TMEM229A: variants seen among roughly 807,000 people sequenced by gnomAD.
TMEM229A encodes transmembrane protein 229A.
TMEM229A carries 23 observed loss-of-function variants against 30.0 expected under a neutral mutation model. That is an observed-to-expected ratio of 0.77 (90% CI 0.55 to 1.09). The LOEUF (loss-of-function observed/expected upper bound fraction) is 1.09. Ranked by LOEUF, TMEM229A falls within the 50% of genes least tolerant of loss-of-function variation. The pLI is 0.00. For synonymous variants in TMEM229A, 264 were observed against 241.5 expected (o/e 1.09, Z -0.86); for missense variants, 534 against 525.9 (o/e 1.02, Z -0.15).
At position 124,032,030 on chromosome 7, in the gene TMEM229A, C is replaced by T; in HGVS notation, c.974G>A (p.Gly325Asp). ...AGCCCCGCACGTGCGGAGTCCCAGACCCCAGGACAGCTCCCACACGTAGAT... is the reference window on the plus strand; with the variant it reads ...AGCCCCGCACGTGCGGAGTCCCAGATCCCAGGACAGCTCCCACACGTAGAT... ...IFIYVWELSWGLGLRTCGACS... is the reference protein window; with the variant it reads ...IFIYVWELSWDLGLRTCGACS... Residue 325 changes from glycine (G) to aspartate (D), a missense_variant, in exon 1 of 1, where the codon GGT becomes GAT. By Grantham distance (94) the Gly-to-Asp change is moderately conservative. Coordinates refer to ENST00000455783, the MANE Select transcript of TMEM229A (RefSeq NM_001136002.2). The surrounding 1 kb of genome is among the most constrained non-coding windows in gnomAD (Gnocchi z 6.6). The T allele has an allele frequency of 6.4e-7, 1 of 1,551,722 alleles. No individual in the cohort carries two copies.
rs548635255 is a variant in TMEM229A, at chr7:124,031,339, G to A, written c.*522C>T. On this transcript the variant is annotated 3_prime_UTR_variant, in exon 1 of 1. Transcript: ENST00000455783. This position sits in a 1 kb window ranked among gnomAD's most constrained non-coding sequence, Gnocchi z 4.1. ...AGAGCTATTAACTGTAGTCTCAAGA[G>A]TACAAGACATTGAGTTTCTTCAGTC... 1 of 152,382 alleles carries A rather than the reference G, an allele frequency of 6.6e-6. No homozygotes were observed. Among genetic ancestry groups the A allele is most frequent in the African/African-American group, 2.4e-5 (1 of 41,450 alleles). 9.4% of individuals were successfully genotyped at this position (152,382 alleles called of 1,614,324 possible).
In TMEM229A at chr7:124,032,691, C is replaced by T; in HGVS notation, c.313G>A (p.Glu105Lys). Residue 105 changes from glutamate (E) to lysine (K), a missense_variant, in exon 1 of 1, where the codon GAG becomes AAG. Glu to Lys is a moderately conservative substitution (Grantham distance 56). Coordinates refer to ENST00000455783, the MANE Select transcript of TMEM229A (RefSeq NM_001136002.2). This position sits in a 1 kb window ranked among gnomAD's most constrained non-coding sequence, Gnocchi z 6.6. ...CGCCGCTGCTGCAGGTACACCTTCT[C>T]CAGGGCGAAATGGGTGAGCGAGTGC... ...LLHSLTHFAL[E>K]KVYLQQRRCP... The T allele has an allele frequency of 6.4e-7, 1 of 1,551,514 alleles. No homozygotes were observed. Among genetic ancestry groups the T allele is most frequent in the East Asian group, 2.4e-5 (1 of 40,864 alleles).
In TMEM229A at chr7:124,031,968, TA is replaced by T. The variant is rs1201620954; in HGVS notation, c.1035del (p.Phe345LeufsTer7). The T allele has an allele frequency of 6.4e-7, 1 of 1,551,400 alleles. No homozygotes were observed. The highest frequency in any genetic ancestry group is 2.0e-5 in the Admixed American group (1 of 50,982). The stretch of plus-strand genomic sequence containing the variant: ...AAATACATCAGGGTGATGAGGCCCA[TA>T]AAATTGAGCGGGTAGTGAGAATAGT... Reference protein sequence around the residue: ...SWDYSHYPLNFMGLITLMYLP... With the variant: ...SWDYSHYPLNXMGLITLMYLP... On this transcript the variant is annotated frameshift_variant, in exon 1 of 1. Coordinates refer to ENST00000455783, the MANE Select transcript of TMEM229A (RefSeq NM_001136002.2). LOFTEE classifies it high-confidence loss of function. The surrounding 1 kb of genome is among the most constrained non-coding windows in gnomAD (Gnocchi z 4.1).
rs1793139629 is a variant in TMEM229A, at chr7:124,032,030, C to G, written c.974G>C (p.Gly325Ala). The change falls in exon 1 of 1, where the codon GGT becomes GCT. Residue 325 changes from glycine to alanine, a missense_variant. Transcript: ENST00000455783. The surrounding 1 kb of genome is among the most constrained non-coding windows in gnomAD (Gnocchi z 6.6). ...AGCCCCGCACGTGCGGAGTCCCAGA[C>G]CCCAGGACAGCTCCCACACGTAGAT... is the stretch of plus-strand genomic sequence containing the variant. ...IFIYVWELSW[G>A]LGLRTCGACS... The G allele has an allele frequency of 6.4e-7, 1 of 1,551,722 alleles. No individual in the cohort carries two copies. The highest frequency in any genetic ancestry group is 2.4e-5 in the East Asian group (1 of 40,908).
In TMEM229A at chr7:124,032,897, G is replaced by A. The variant is rs1183103179; in HGVS notation, c.107C>T (p.Pro36Leu). 21 of 1,449,430 alleles carry A rather than the reference G, an allele frequency of 1.4e-5. No homozygotes were observed. The highest frequency in any genetic ancestry group is 1.8e-5 in the Non-Finnish European group (20 of 1,098,414). 89.8% of individuals were successfully genotyped at this position (1,449,430 alleles called of 1,614,324 possible). Residue 36 changes from proline (P) to leucine (L), a missense_variant, in exon 1 of 1, where the codon CCG becomes CTG. By Grantham distance (98) the Pro-to-Leu change is moderately conservative. Coordinates refer to ENST00000455783, the MANE Select transcript of TMEM229A (RefSeq NM_001136002.2). The surrounding 1 kb of genome is among the most constrained non-coding windows in gnomAD (Gnocchi z 6.6). ...CGCTTCAGCAGTGGACAGCGGCTCC[G>A]GGCAGCCGGCTGCCGCCTCGCTTCC... ...GPGSEAAAGC[P>L]EPLSTAEAPA...
Position 124,033,041 on chromosome 7 carries a change from C to T in TMEM229A, c.-38G>A. ...TGTCCGAACGCCCGAGGCTGCACCGCCGCCGCTGCCGGGTGCGCGGAGCTG... is the reference window on the plus strand; with the variant it reads ...TGTCCGAACGCCCGAGGCTGCACCGTCGCCGCTGCCGGGTGCGCGGAGCTG... On this transcript the variant is annotated 5_prime_UTR_variant, in exon 1 of 1. Transcript: ENST00000455783. The T allele has an allele frequency of 8.4e-7, 1 of 1,195,702 alleles. No homozygotes were observed. The allele number at this position is 1,195,702 out of a possible 1,614,324, so 74.1% of individuals were successfully genotyped here. A position where few individuals can be genotyped will look rare whatever the true frequency, so the allele number is the denominator to read the frequency against.
At position 124,032,047 on chromosome 7, in the gene TMEM229A, C is replaced by A; in HGVS notation, c.957G>T (p.Val319=). The A allele has an allele frequency of 5.2e-6, 8 of 1,551,710 alleles. No homozygotes were observed. Among genetic ancestry groups the A allele is most frequent in the Non-Finnish European group, 7.0e-6 (8 of 1,146,992 alleles). The change falls in exon 1 of 1, where the codon GTG becomes GTT. Residue 319 remains valine, a synonymous_variant. Coordinates refer to ENST00000455783, the MANE Select transcript of TMEM229A (RefSeq NM_001136002.2). This position sits in a 1 kb window ranked among gnomAD's most constrained non-coding sequence, Gnocchi z 6.6. ...GTCCCAGACCCCAGGACAGCTCCCA[C>A]ACGTAGATGAAGATCACGTAGATGG... ...RVPIYVIFIY[V]WELSWGLGLR...
chr7:124,031,927 GA>G lies in TMEM229A; in HGVS notation c.1076del (p.Phe359SerfsTer8). 1 of 1,551,626 alleles carries G rather than the reference GA, an allele frequency of 6.4e-7. No individual in the cohort carries two copies. The highest frequency in any genetic ancestry group is 1.2e-5 in the South Asian group (1 of 84,054). On this transcript the variant is annotated frameshift_variant, in exon 1 of 1. Transcript: ENST00000455783. LOFTEE classifies it high-confidence loss of function. This position sits in a 1 kb window ranked among gnomAD's most constrained non-coding sequence, Gnocchi z 4.1. Reference sequence around the variant, plus strand: ...AAATTAGGTCCTGGTACACACTAAGGAATATCCAGCCAGGTAAATACATCAG... The same window carrying G: ...AAATTAGGTCCTGGTACACACTAAGGATATCCAGCCAGGTAAATACATCAG... ...ITLMYLPGWI[F>X]LSVYQDLISN...
chr7:124,032,934 G>A lies in TMEM229A; in HGVS notation c.70C>T (p.Pro24Ser). Residue 24 changes from proline (P) to serine (S), a missense_variant, in exon 1 of 1, where the codon CCT becomes TCT. Pro to Ser is a moderately conservative substitution (Grantham distance 74). Coordinates refer to ENST00000455783, the MANE Select transcript of TMEM229A (RefSeq NM_001136002.2). This position sits in a 1 kb window ranked among gnomAD's most constrained non-coding sequence, Gnocchi z 6.6. ...RGGAARRPGAPGGPGSEAAAG... is the reference protein window; with the variant it reads ...RGGAARRPGASGGPGSEAAAG... ...GCCGCCTCGCTTCCTGGCCCGCCAGGGGCCCCCGGACGCCGCGCCGCGCCG... is the reference window on the plus strand; with the variant it reads ...GCCGCCTCGCTTCCTGGCCCGCCAGAGGCCCCCGGACGCCGCGCCGCGCCG... 1.1e-5 allele frequency: 15 copies of A among 1,355,740 alleles called. No individual in the cohort carries two copies. Among genetic ancestry groups the A allele is most frequent in the Non-Finnish European group, 1.4e-5 (15 of 1,058,756 alleles). 84.0% of individuals were successfully genotyped at this position (1,355,740 alleles called of 1,614,324 possible).
At position 124,032,045 on chromosome 7, in the gene TMEM229A, C is replaced by T. The variant is rs1169979699; in HGVS notation, c.959G>A (p.Trp320Ter). The change falls in exon 1 of 1, where the codon TGG (tryptophan) becomes TAG (stop). Residue 320 changes from tryptophan (W) to a stop codon, truncating the protein, a stop_gained. Coordinates refer to ENST00000455783, the MANE Select transcript of TMEM229A (RefSeq NM_001136002.2). LOFTEE classifies it high-confidence loss of function. This position sits in a 1 kb window ranked among gnomAD's most constrained non-coding sequence, Gnocchi z 6.6. The stretch of plus-strand genomic sequence containing the variant: ...GAGTCCCAGACCCCAGGACAGCTCC[C>T]ACACGTAGATGAAGATCACGTAGAT... ...VPIYVIFIYV[W>*]ELSWGLGLRT... The T allele has an allele frequency of 6.4e-7, 1 of 1,551,604 alleles. No homozygotes were observed. The highest frequency in any genetic ancestry group is 8.7e-7 in the Non-Finnish European group (1 of 1,147,016).
In TMEM229A at chr7:124,032,614, C is replaced by T. The variant is rs1793152300; in HGVS notation, c.390G>A (p.Val130=). The stretch of plus-strand genomic sequence containing the variant: ...CCTGGCCCGCTAGGGTCTGCAGCCC[C>T]ACGTGGGCCGAGGGGTAGAGGAGGA... ...FNFLLYPSAH[V]GLQTLAGQAL... The change falls in exon 1 of 1, where the codon GTG becomes GTA. Residue 130 remains valine (V), a synonymous_variant. Transcript: ENST00000455783. The surrounding 1 kb of genome is among the most constrained non-coding windows in gnomAD (Gnocchi z 6.6). 1 of 1,550,948 alleles carries T rather than the reference C, an allele frequency of 6.4e-7. No homozygotes were observed. The highest frequency in any genetic ancestry group is 2.4e-5 in the East Asian group (1 of 40,858).
Position 124,032,978 on chromosome 7 carries a change from T to G in TMEM229A, c.26A>C (p.Glu9Ala), listed in dbSNP as rs1793159496. MAGSDVDS[E>A]GPARRGGAAR... ...CGCGCCGCCCCTCCGTGCGGGGCCC[T>G]CGCTGTCCACGTCGCTCCCCGCCAT... Residue 9 changes from glutamate (E) to alanine (A), a missense_variant, in exon 1 of 1, where the codon GAG (glutamate) becomes GCG (alanine). By Grantham distance (107) the Glu-to-Ala change is moderately radical (BLOSUM62 -1). Transcript: ENST00000455783. This position sits in a 1 kb window ranked among gnomAD's most constrained non-coding sequence, Gnocchi z 6.6. 7.7e-7 allele frequency: 1 copy of G among 1,302,736 alleles called. No individual in the cohort carries two copies. The highest frequency in any genetic ancestry group is 4.2e-5 in the Admixed American group (1 of 23,532). The allele number at this position is 1,302,736 out of a possible 1,614,324, so 80.7% of individuals were successfully genotyped here.
Position 124,032,776 on chromosome 7 carries a change from G to A in TMEM229A, c.228C>T (p.Arg76=). The change falls in exon 1 of 1, where the codon CGC becomes CGT. Residue 76 remains arginine (R), a synonymous_variant. Transcript: ENST00000455783. This position sits in a 1 kb window ranked among gnomAD's most constrained non-coding sequence, Gnocchi z 6.6. The part of the protein sequence containing the change: ...TLDVLVSSAR[R]FARSPDLRML... ...TCCGCAGGTCCGGGCTGCGGGCGAAGCGCCGGGCCGAGGACACCAGCACGT... is the reference window on the plus strand; with the variant it reads ...TCCGCAGGTCCGGGCTGCGGGCGAAACGCCGGGCCGAGGACACCAGCACGT... 6.4e-7 allele frequency: 1 copy of A among 1,551,168 alleles called. No individual in the cohort carries two copies. The highest frequency in any genetic ancestry group is 8.7e-7 in the Non-Finnish European group (1 of 1,146,864).
rs1035552537 is a variant in TMEM229A at position 124,031,526 on chromosome 7, T to C, written c.*335A>G. On this transcript the variant is annotated 3_prime_UTR_variant, in exon 1 of 1. Coordinates refer to ENST00000455783, the MANE Select transcript of TMEM229A (RefSeq NM_001136002.2). This position sits in a 1 kb window ranked among gnomAD's most constrained non-coding sequence, Gnocchi z 4.1. ...AAAAAATTAGTAGCTGTCACTCATC[T>C]GTTGCCAGATGGGTAAACACTACTA... 3 of 184,270 alleles carry C rather than the reference T, an allele frequency of 1.6e-5. No individual in the cohort carries two copies. The highest frequency in any genetic ancestry group is 7.0e-5 in the African/African-American group (3 of 42,830). The allele number at this position is 184,270 out of a possible 1,614,324, so 11.4% of individuals were successfully genotyped here.
chr7:124,032,799 C>T lies in TMEM229A; in HGVS notation c.205G>A (p.Val69Met). 1.9e-6 allele frequency: 3 copies of T among 1,550,848 alleles called. No homozygotes were observed. Among genetic ancestry groups the T allele is most frequent in the South Asian group, 2.4e-5 (2 of 84,026 alleles). ...FYGMHGITLD[V>M]LVSSARRFAR... ...AAGCGCCGGGCCGAGGACACCAGCA[C>T]GTCCAGGGTGATCCCGTGCATCCCG... Residue 69 changes from valine (V) to methionine (M), a missense_variant, in exon 1 of 1, where the codon GTG (valine) becomes ATG (methionine). Transcript: ENST00000455783. This position sits in a 1 kb window ranked among gnomAD's most constrained non-coding sequence, Gnocchi z 6.6.
chr7:124,033,061 G>A lies in TMEM229A; in HGVS notation c.-58C>T, dbSNP rs964912958. The A allele has an allele frequency of 7.8e-6, 9 of 1,161,100 alleles. No individual in the cohort carries two copies. The Admixed American group carries it at 4.3e-4, about 55-fold the overall frequency. 71.9% of individuals were successfully genotyped at this position (1,161,100 alleles called of 1,614,324 possible). A position where few individuals can be genotyped will look rare whatever the true frequency, so the allele number is the denominator to read the frequency against. ...CACCGCCGCCGCTGCCGGGTGCGCGGAGCTGCAGGGCCGAGCGGCCGAGCC... is the reference window on the plus strand; with the variant it reads ...CACCGCCGCCGCTGCCGGGTGCGCGAAGCTGCAGGGCCGAGCGGCCGAGCC... On this transcript the variant is annotated 5_prime_UTR_variant, in exon 1 of 1. Transcript: ENST00000455783.
rs71163719 is a variant in TMEM229A at position 124,032,402 on chromosome 7, CGCTGCTGCTGCTGCTGCTGCT to C, written c.581_601del (p.Gln194_Gln200del). ...GGGAGGGACGGGGAGCGCGCCCCTC[CGCTGCTGCTGCTGCTGCTGCT>C]GCTGCTGTTGCTGCTGCCGCCGCCT... On this transcript the variant is annotated inframe_deletion, in exon 1 of 1. Transcript: ENST00000455783. This position sits in a 1 kb window ranked among gnomAD's most constrained non-coding sequence, Gnocchi z 6.6. 2.3e-5 allele frequency: 36 copies of C among 1,539,026 alleles called. No individual in the cohort carries two copies. Among genetic ancestry groups the C allele is most frequent in the Non-Finnish European group, 1.0e-5 (12 of 1,143,034 alleles).
chr7:124,032,454 G>A lies in TMEM229A; in HGVS notation c.550C>T (p.Arg184Ter). ...LKRFLRLRYG[R>*]QRRRQQQQQQ... ...TGTTGCTGCTGCCGCCGCCTCTGTC[G>A]CCCGTACCGCAAGCGCAGGAAGCGC... is the stretch of plus-strand genomic sequence containing the variant. Residue 184 changes from arginine to a stop codon, truncating the protein, a stop_gained, in exon 1 of 1, where the codon CGA becomes TGA. Coordinates refer to ENST00000455783, the MANE Select transcript of TMEM229A (RefSeq NM_001136002.2). LOFTEE classifies it high-confidence loss of function. This position sits in a 1 kb window ranked among gnomAD's most constrained non-coding sequence, Gnocchi z 6.6. 6.5e-7 allele frequency: 1 copy of A among 1,548,272 alleles called. No homozygotes were observed. Among genetic ancestry groups the A allele is most frequent in the Middle Eastern group, 1.7e-4 (1 of 5,718 alleles).
rs1793127192 is a variant in TMEM229A at position 124,031,016 on chromosome 7, A to G, written c.*845T>C. The G allele has an allele frequency of 6.6e-6, 1 of 152,230 alleles. No homozygotes were observed. The highest frequency in any genetic ancestry group is 1.5e-5 in the Non-Finnish European group (1 of 68,034). 9.4% of individuals were successfully genotyped at this position (152,230 alleles called of 1,614,324 possible). ...GGTCCTTGGAGTTAGAACACTGTGG[A>G]AGGTGATATAATTTCACTTGGCCCT... On this transcript the variant is annotated 3_prime_UTR_variant, in exon 1 of 1. Transcript: ENST00000455783. The surrounding 1 kb of genome is among the most constrained non-coding windows in gnomAD (Gnocchi z 4.1).
Sources: allele counts gnomAD v4.1 joint callset, GRCh38; gene constraint gnomAD v4.1.1; non-coding constraint Gnocchi (gnomAD v3.1); transcripts MANE v1.5; gene names NCBI Gene and HGNC (gene_info 2026-07-23, HGNC 2026-07-21).